RASIP1: variants seen among roughly 807,000 people sequenced by gnomAD.
RASIP1 encodes ras-interacting protein 1.
A neutral mutation model predicts 85.3 loss-of-function variants in RASIP1; 20 were observed. The observed-to-expected ratio is 0.23, with a 90% confidence interval of 0.17 to 0.34. RASIP1 has a LOEUF of 0.34. RASIP1 is among the 10% of genes least tolerant of loss of function. RASIP1 has a pLI of 1.00. For synonymous variants in RASIP1, 617 were observed against 647.1 expected, an observed-to-expected ratio of 0.95 and a Z score of 0.71; for missense variants, 1,170 against 1,390.9, an observed-to-expected ratio of 0.84 and a Z score of 2.53.
In RASIP1 at chr19:48,735,536, G is replaced by A. The variant is rs1349942692; in HGVS notation, c.839C>T (p.Ser280Leu). Reference protein sequence around the residue: ...AADSEGTGAPSWRPQKNRSRA... With the variant: ...AADSEGTGAPLWRPQKNRSRA... ...GGAGCGGTTCTTCTGTGGCCGCCAC[G>A]AAGGGGCGCCGGTGCCTGCGGAGAG... The change falls in exon 4 of 12, where the codon TCG becomes TTG. Residue 280 changes from serine to leucine, a missense_variant. Physicochemically the swap from Ser to Leu is moderately radical, Grantham distance 145. This residue lies in a region of RASIP1 where 301 missense variants were observed against 294.8 expected (regional missense o/e 1.02). Transcript: ENST00000222145. The A allele has an allele frequency of 6.5e-7, 1 of 1,540,274 alleles. No individual in the cohort carries two copies. Among genetic ancestry groups the A allele is most frequent in the East Asian group, 2.5e-5 (1 of 40,776 alleles).
chr19:48,721,506 G>A (rs1007581367), intron 11 of RASIP1, among the ~76,000 whole-genome samples: 6 of 152,124 alleles, frequency 3.9e-5, no homozygotes, highest in African/African-American at 1.4e-4. Context: ...TGGACTCCAA[G>A]ATCCTGAGAA....
intron 3 of RASIP1, among the ~76,000 whole-genome samples, chr19:48,736,963 G>A (rs2033584436): frequency 6.6e-6 from 1 of 152,160 alleles, no homozygotes; most frequent in South Asian, 2.1e-4. Flanking sequence ...CTTGAACCGG[G>A]AGGTGGAGGT....
rs1449453578 is a variant in RASIP1, at chr19:48,729,348, G to A, written c.1422C>T (p.Gly474=). 2 of 1,559,842 alleles carry A rather than the reference G, an allele frequency of 1.3e-6. No individual in the cohort carries two copies. The highest frequency in any genetic ancestry group is 1.7e-6 in the Non-Finnish European group (2 of 1,152,600). Residue 474 remains glycine, a synonymous_variant, in exon 5 of 12, where the codon GGC becomes GGT. Coordinates refer to ENST00000222145, the MANE Select transcript of RASIP1 (RefSeq NM_017805.3). ...AGTGCTCGCCCAGCCCCAGGAGGTC[G>A]CCCGGGTGCAGCTCAGCCTCCCGCA... is the stretch of plus-strand genomic sequence containing the variant. The part of the protein sequence containing the change: ...LLLREAELHP[G]DLLGLGEHFL...
chr19:48,735,479 C>G lies in RASIP1; in HGVS notation c.896G>C (p.Ser299Thr). The change falls in exon 4 of 12, where the codon AGT becomes ACT. Residue 299 changes from serine (S) to threonine (T), a missense_variant. By Grantham distance (58) the Ser-to-Thr change is moderately conservative (BLOSUM62 1). This residue lies in a region of RASIP1 where 301 missense variants were observed against 294.8 expected (regional missense o/e 1.02). Transcript: ENST00000222145. ...RAASGGAALA[S>T]PGPGTGSGAP... ...CCCTGATCCGGTCCCCGGGCCAGGACTGGCCAGCGCTGCCCCACCCGACGC... is the reference window on the plus strand; with the variant it reads ...CCCTGATCCGGTCCCCGGGCCAGGAGTGGCCAGCGCTGCCCCACCCGACGC... 1 of 1,570,244 alleles carries G rather than the reference C, an allele frequency of 6.4e-7. No individual in the cohort carries two copies.
intron 4 of RASIP1, among the ~76,000 whole-genome samples, chr19:48,731,014 A>T (rs1247869234): frequency 1.3e-5 from 2 of 152,040 alleles, no homozygotes; most frequent in Non-Finnish European, 2.9e-5. Flanking sequence ...GAGACTCAAA[A>T]AAAAGAGGCC....
Position 48,738,745 on chromosome 19 carries a change from C to T in RASIP1, c.823+215G>A. ...AAACTCCTGCTCAATCAACAAGCCCCACCCAACTCTCAGGCCCGCCCATCT... is the reference window on the plus strand; with the variant it reads ...AAACTCCTGCTCAATCAACAAGCCCTACCCAACTCTCAGGCCCGCCCATCT... On this transcript the variant is annotated intron_variant, in intron 3 of 11. Transcript: ENST00000222145. This position sits in a 1 kb window ranked among gnomAD's most constrained non-coding sequence, Gnocchi z 4.0. 2.1e-6 allele frequency: 1 copy of T among 475,292 alleles called. No individual in the cohort carries two copies. Among genetic ancestry groups the T allele is most frequent in the Non-Finnish European group, 3.2e-6 (1 of 315,176 alleles). 29.4% of individuals were successfully genotyped at this position (475,292 alleles called of 1,614,324 possible).
intron 4 of RASIP1, among the ~76,000 whole-genome samples, chr19:48,731,220 T>A (rs1479906873): frequency 6.6e-6 from 1 of 151,660 alleles, no homozygotes; most frequent in Non-Finnish European, 1.5e-5. Flanking sequence ...GTTGCAGGAG[T>A]TAAGTCCTGC....
At position 48,738,107 on chromosome 19, in the gene RASIP1, G is replaced by T. The variant is rs927635406; in HGVS notation, c.823+853C>A. Among the ~76,000 whole-genome samples, 6 of 152,106 alleles carry T rather than the reference G, an allele frequency of 3.9e-5. No homozygotes were observed. The highest frequency in any genetic ancestry group is 7.3e-5 in the Non-Finnish European group (5 of 68,040). ...TTACAGGCATGCGTCACCACGCTCGGCTAATTTTTGTATTTTTAGAAGAGA... is the reference window on the plus strand; with the variant it reads ...TTACAGGCATGCGTCACCACGCTCGTCTAATTTTTGTATTTTTAGAAGAGA... On this transcript the variant is annotated intron_variant, in intron 3 of 11. Coordinates refer to ENST00000222145, the MANE Select transcript of RASIP1 (RefSeq NM_017805.3). This position sits in a 1 kb window ranked among gnomAD's most constrained non-coding sequence, Gnocchi z 4.0.
At chr19:48,721,035 TGGGAGTGAGGTAGTTGCATC>T (rs1475962391) in intron 11 of RASIP1, 38 bp from the exon 12 acceptor site, 1 of 1,517,204 alleles carries the variant, frequency 6.6e-7, no homozygotes, top group Admixed American at 2.1e-5. Flanking sequence ...AGTCTGAAAG[TGGGAGTGAGGTAGTTGCATC>T]GGGAAGAGCC....
chr19:48,723,306 T>C (rs1341392185), intron 10 of RASIP1, among the ~76,000 whole-genome samples: 1 of 152,166 alleles, frequency 6.6e-6, no homozygotes, highest in Non-Finnish European at 1.5e-5. Flanking sequence ...ACGCCTGTAA[T>C]CCCAGCACTT....
rs1488622983 is a variant in RASIP1 at position 48,729,093 on chromosome 19, G to T, written c.1677C>A (p.Ile559=). 5.8e-6 allele frequency: 8 copies of T among 1,371,802 alleles called. No homozygotes were observed. The highest frequency in any genetic ancestry group is 7.5e-6 in the Non-Finnish European group (8 of 1,070,758). The allele number at this position is 1,371,802 out of a possible 1,614,324, so 85.0% of individuals were successfully genotyped here. A position where few individuals can be genotyped will look rare whatever the true frequency, so the allele number is the denominator to read the frequency against. The change falls in exon 5 of 12, where the codon ATC becomes ATA. Residue 559 remains isoleucine (I), a synonymous_variant. Transcript: ENST00000222145. ...CCGAGCCGGCGGCTGCGGCGCGCAC[G>T]ATCTCGCCCAGCAGCGCCTCCTCCT... ...PREEEALLGE[I]VRAAAAGSGD... is the part of the protein sequence containing the mutation.
intron 8 of RASIP1, chr19:48,725,176 T>C (rs528649642): frequency 1.1e-5 from 6 of 549,736 alleles, no homozygotes; most frequent in East Asian, 6.3e-5. Context: ...CTCTTGTGCA[T>C]TGTGGGACTT....
chr19:48,737,255 T>C (rs1482423050), intron 3 of RASIP1, among the ~76,000 whole-genome samples: 1 of 152,216 alleles, frequency 6.6e-6, no homozygotes, highest in East Asian at 1.9e-4. Flanking sequence ...TGAGATTAAC[T>C]GGCACAGAAT....
chr19:48,721,010 A>G lies in RASIP1; in HGVS notation c.2693-13T>C. 1.3e-6 allele frequency: 2 copies of G among 1,577,186 alleles called. No homozygotes were observed. Among genetic ancestry groups the G allele is most frequent in the Admixed American group, 1.8e-5 (1 of 54,794 alleles). ...TCGAAGATGTCCCCTGTGAGGCCGA[A>G]GGCGGCGCGGTTAGAGTCTGAAAGT... On this transcript the variant is annotated splice_polypyrimidine_tract_variant and intron_variant, in intron 11 of 11. Coordinates refer to ENST00000222145, the MANE Select transcript of RASIP1 (RefSeq NM_017805.3).
In RASIP1 at chr19:48,729,146, C is replaced by T; in HGVS notation, c.1624G>A (p.Glu542Lys). The T allele has an allele frequency of 7.5e-7, 1 of 1,328,278 alleles. No individual in the cohort carries two copies. Among genetic ancestry groups the T allele is most frequent in the Non-Finnish European group, 9.6e-7 (1 of 1,038,168 alleles). 82.3% of individuals were successfully genotyped at this position (1,328,278 alleles called of 1,614,324 possible). ...CGCGGCCGGAAGCGCAGGACTGGCT[C>T]ACGGCCGTCCAGGTAGGCGGCCAGT... ...EALAAYLDGR[E>K]PVLRFRPREE... Residue 542 changes from glutamate to lysine, a missense_variant, in exon 5 of 12, where the codon GAG becomes AAG. Physicochemically the swap from Glu to Lys is moderately conservative, Grantham distance 56. This residue lies in a region of RASIP1 where 426 missense variants were observed against 576.2 expected (regional missense o/e 0.74). Transcript: ENST00000222145.
intron 4 of RASIP1, among the ~76,000 whole-genome samples, chr19:48,730,252 G>A (rs1347034306): frequency 6.6e-6 from 1 of 151,572 alleles, no homozygotes; most frequent in Admixed American, 6.6e-5. Context: ...TCCAACCTCC[G>A]CCTCCCGGGT....
chr19:48,729,533 A>C lies in RASIP1; in HGVS notation c.1237T>G (p.Ser413Ala), dbSNP rs2033408230. 4 of 1,601,674 alleles carry C rather than the reference A, an allele frequency of 2.5e-6. No homozygotes were observed. The highest frequency in any genetic ancestry group is 1.7e-6 in the Non-Finnish European group (2 of 1,174,710). The part of the protein sequence containing the change: ...EQHVFGRGGN[S>A]SGRGGSPAPY... ...GCCGGGGACCCCCCGCGGCCAGACG[A>C]GTTCCCACCTCGCCCAAACACGTGC... The change falls in exon 5 of 12, where the codon TCG becomes GCG. Residue 413 changes from serine to alanine, a missense_variant. Ser to Ala is a moderately conservative substitution (Grantham distance 99). Around this residue, in one of 4 missense-constraint regions of RASIP1, gnomAD observed 301 missense variants for 294.8 expected, o/e 1.02. Coordinates refer to ENST00000222145, the MANE Select transcript of RASIP1 (RefSeq NM_017805.3).
chr19:48,737,749 C>G (rs12981072), intron 3 of RASIP1: 422,848 of 984,658 alleles, frequency 0.43, 92,836 homozygotes, highest in East Asian at 0.84. Context: ...CACATGCCAC[C>G]ACTCCTCGCG....
chr19:48,733,443 G>A (rs752744679), intron 4 of RASIP1, among the ~76,000 whole-genome samples: 1 of 152,176 alleles, frequency 6.6e-6, no homozygotes, highest in Non-Finnish European at 1.5e-5. Context: ...ATAGATAGAA[G>A]GATCAATACC....
Sources: gnomAD v4.1 joint callset for allele counts (sites outside exome capture counted in the v4.1 genomes callset) on GRCh38, gnomAD v4.1.1 for gene constraint, gnomAD v4.1.1 regional missense constraint, Gnocchi (gnomAD v3.1) non-coding constraint, MANE v1.5 for transcripts, NCBI Gene and HGNC (gene_info 2026-07-23, HGNC 2026-07-21) for gene names.